AKAP6: variants seen among roughly 807,000 people sequenced by gnomAD.
AKAP6 encodes the protein A-kinase anchoring protein 6, also known as A-kinase anchor protein 6.
AKAP6 carries 58 observed loss-of-function variants against 188.5 expected under a neutral mutation model. The ratio of observed to expected loss-of-function variants is 0.31; its 90% CI spans 0.25 to 0.38. The LOEUF (loss-of-function observed/expected upper bound fraction) is 0.38, where lower values mean the gene tolerates loss of function less well. Ranked by LOEUF, AKAP6 falls within the 10% of genes least tolerant of loss-of-function variation. The probability of loss-of-function intolerance (pLI) is 1.00; values close to 1 mark genes in which losing one functional copy is unlikely to be tolerated. For missense variants in AKAP6, 2,710 were observed against 2,740.0 expected (o/e 0.99, Z 0.24); for synonymous variants, 989 against 998.6 (o/e 0.99, Z 0.18).
At chr14:32,610,438 A>G (rs748375287) in intron 7 of AKAP6, among the ~76,000 whole-genome samples, 4 of 152,174 alleles carry the variant, frequency 2.6e-5, no homozygotes, top group African/African-American at 4.8e-5. Context: ...CTTAGAATAG[A>G]TAAATATTTA....
intron 8 of AKAP6, among the ~76,000 whole-genome samples, chr14:32,690,794 A>G (rs1252774037): frequency 6.6e-6 from 1 of 152,196 alleles, no homozygotes; most frequent in South Asian, 2.1e-4. Context: ...TTTTCTCCCC[A>G]TAACATGATT....
chr14:32,451,940 G>T (rs1890948747), intron 2 of AKAP6, among the ~76,000 whole-genome samples: 3 of 147,282 alleles, frequency 2.0e-5, no homozygotes, highest in Non-Finnish European at 1.5e-5. Flanking sequence ...AAGGTAAGTT[G>T]TGGCCATATT....
intron 3 of AKAP6, among the ~76,000 whole-genome samples, chr14:32,538,857 A>G (rs900857618): frequency 1.3e-5 from 2 of 152,160 alleles, no homozygotes; most frequent in Non-Finnish European, 2.9e-5. Flanking sequence ...AAAAATTAAA[A>G]TTAAATTTAA....
At chr14:32,674,086 C>A (rs1006620320) in intron 7 of AKAP6, among the ~76,000 whole-genome samples, 1 of 152,156 alleles carries the variant, frequency 6.6e-6, no homozygotes, top group Non-Finnish European at 1.5e-5. Flanking sequence ...ATTAGCAAGA[C>A]AATGTTCCAG....
At chr14:32,777,030 C>T (rs992338817) in intron 12 of AKAP6, among the ~76,000 whole-genome samples, 6 of 152,240 alleles carry the variant, frequency 3.9e-5, no homozygotes, top group East Asian at 1.9e-4. Context: ...TCCCTTTTCC[C>T]TCACTCATAG....
intron 7 of AKAP6, among the ~76,000 whole-genome samples, chr14:32,675,471 C>T (rs1017040065): frequency 1.3e-5 from 2 of 152,110 alleles, no homozygotes; most frequent in African/African-American, 4.8e-5. Flanking sequence ...TTTTAAAGAA[C>T]TAAATTTTCT....
At position 32,428,995 on chromosome 14, in the gene AKAP6, G is replaced by A. The variant is rs986088645; in HGVS notation, c.-34-4465G>A. ...GGATGTTATTTTTAACAGCAGCTGG[G>A]ATAAAGGTGGTATTATCGCTAATGC... On this transcript the variant is annotated intron_variant, in intron 1 of 13. Coordinates refer to ENST00000280979, the MANE Select transcript of AKAP6 (RefSeq NM_004274.5). 6.6e-5 allele frequency among the ~76,000 whole-genome samples: 10 copies of A among 152,316 alleles called. No homozygotes were observed. The East Asian group carries it at 1.2e-3, about 18-fold the overall frequency.
At chr14:32,368,764 T>G (rs1308496909) in intron 1 of AKAP6, among the ~76,000 whole-genome samples, 1 of 152,020 alleles carries the variant, frequency 6.6e-6, no homozygotes, top group Non-Finnish European at 1.5e-5. Context: ...GCACCTACTA[T>G]GTACTAGGTG....
At chr14:32,432,801 A>G (rs1890263245) in intron 1 of AKAP6, among the ~76,000 whole-genome samples, 1 of 152,206 alleles carries the variant, frequency 6.6e-6, no homozygotes, top group Non-Finnish European at 1.5e-5. Flanking sequence ...GGCTTGAACA[A>G]GATAGAAGTT....
At chr14:32,407,048 C>T (rs1170003508) in intron 1 of AKAP6, among the ~76,000 whole-genome samples, 2 of 152,164 alleles carry the variant, frequency 1.3e-5, no homozygotes, top group Non-Finnish European at 1.5e-5. Flanking sequence ...TTCATATTCT[C>T]CTTCCCTGGA....
At chr14:32,826,264 C>A (rs550675670) in intron 13 of AKAP6, among the ~76,000 whole-genome samples, 145 of 152,222 alleles carry the variant, frequency 9.5e-4, no homozygotes, top group Middle Eastern at 3.4e-3. Context: ...AACTAATTTT[C>A]TGTGTTTCAG....
chr14:32,445,260 A>G (rs774030023), intron 2 of AKAP6, among the ~76,000 whole-genome samples: 1 of 151,950 alleles, frequency 6.6e-6, no homozygotes, highest in Non-Finnish European at 1.5e-5. Flanking sequence ...CTTTACCCCA[A>G]ACTTCTCTGC....
intron 12 of AKAP6, among the ~76,000 whole-genome samples, chr14:32,795,543 A>G (rs1403373142): frequency 2.0e-5 from 3 of 152,240 alleles, no homozygotes; most frequent in African/African-American, 7.2e-5. Context: ...AAAAATCTAC[A>G]TGATTATCTC....
rs981292745 is a variant in AKAP6, at chr14:32,833,624, A to G, written c.*3819A>G. ...ATCCGGACTAGGTTTCACCCATTCTATAATTCCTAGAAACAAACTAGATGA... is the reference window on the plus strand; with the variant it reads ...ATCCGGACTAGGTTTCACCCATTCTGTAATTCCTAGAAACAAACTAGATGA... On this transcript the variant is annotated 3_prime_UTR_variant, in exon 14 of 14. Coordinates refer to ENST00000280979, the MANE Select transcript of AKAP6 (RefSeq NM_004274.5). 6.6e-6 allele frequency: 1 copy of G among 152,206 alleles called. No homozygotes were observed. Among genetic ancestry groups the G allele is most frequent in the African/African-American group, 2.4e-5 (1 of 41,446 alleles). The allele number at this position is 152,206 out of a possible 1,614,324, so 9.4% of individuals were successfully genotyped here.
intron 10 of AKAP6, 46 bp downstream of exon 10, chr14:32,732,646 T>C (rs764818736): frequency 2.5e-6 from 4 of 1,600,464 alleles, no homozygotes; most frequent in Non-Finnish European, 3.4e-6. Flanking sequence ...GTACATTTTT[T>C]GCGTAGTGAA....
intron 1 of AKAP6, among the ~76,000 whole-genome samples, chr14:32,360,485 C>T (rs532369210): frequency 1.3e-5 from 2 of 152,216 alleles, no homozygotes; most frequent in East Asian, 3.9e-4. Flanking sequence ...ATAGATCTTG[C>T]CTGTAGCAAT....
chr14:32,785,183 A>G (rs905147460), intron 12 of AKAP6, among the ~76,000 whole-genome samples: 2 of 152,068 alleles, frequency 1.3e-5, no homozygotes, highest in Non-Finnish European at 2.9e-5. Context: ...TGTCCTTCCA[A>G]TGAAAATTGG....
intron 9 of AKAP6, among the ~76,000 whole-genome samples, chr14:32,706,481 C>T (rs886554112): frequency 3.3e-5 from 5 of 151,962 alleles, no homozygotes. Flanking sequence ...CTAAAGGCAG[C>T]ATTGCCCTCA....
At chr14:32,697,327 C>A (rs577504409) in intron 9 of AKAP6, among the ~76,000 whole-genome samples, 2 of 152,250 alleles carry the variant, frequency 1.3e-5, no homozygotes, top group East Asian at 3.9e-4. Context: ...AGAATGCAGT[C>A]CAACCTTAAT....
Sources: gnomAD v4.1 joint callset for allele counts (sites outside exome capture counted in the v4.1 genomes callset) on GRCh38, gnomAD v4.1.1 for gene constraint, MANE v1.5 for transcripts, NCBI Gene and HGNC (gene_info 2026-07-23, HGNC 2026-07-21) for gene names.